Variants in BMERB1 observed in about 807,000 individuals in gnomAD.
BMERB1 encodes the protein bMERB domain-containing protein 1.
A neutral mutation model predicts 23.6 loss-of-function variants in BMERB1; 12 were observed. The observed-to-expected ratio is 0.51, with a 90% CI of 0.33 to 0.82. The LOEUF (loss-of-function observed/expected upper bound fraction) is 0.82, where lower values mean the gene tolerates loss of function less well. Among genes scored for constraint, BMERB1 ranks in the 40% least tolerant of loss-of-function variants. The pLI, the probability that BMERB1 is intolerant of heterozygous loss-of-function variation, is 0.03. For missense variants in BMERB1, 247 were observed against 255.4 expected (o/e 0.97, Z 0.22); for synonymous variants, 122 against 96.6 (o/e 1.26, Z -1.54).
At chr16:15,518,725 T>C (rs2051808484) in intron 2 of BMERB1, among the ~76,000 whole-genome samples, 2 of 151,026 alleles carry the variant, frequency 1.3e-5, no homozygotes, top group Admixed American at 1.3e-4. Flanking sequence ...CTGCATTAGC[T>C]AATAAGTAGC....
rs879429351 is a variant in BMERB1, at chr16:15,556,178, CA to C, written c.231-11791del. 4.6e-3 allele frequency among the ~76,000 whole-genome samples: 607 copies of C among 132,900 alleles called. 3 individuals carry two copies. The highest frequency in any genetic ancestry group is 0.01 in the African/African-American group (373 of 36,238). 87.2% of individuals were successfully genotyped at this position (132,900 alleles called of 152,430 possible). ...GGACGACAAGAGCGAAACTCCATCT[CA>C]AAAAAAAAAAAAATAGCATGTGATA... On this transcript the variant is annotated intron_variant, in intron 2 of 5. Transcript: ENST00000300006.
chr16:15,536,059 A>T (rs1184778091), intron 2 of BMERB1, among the ~76,000 whole-genome samples: 2 of 152,110 alleles, frequency 1.3e-5, no homozygotes, highest in East Asian at 1.9e-4. Context: ...TTTGGTGGGG[A>T]CACAGAGCCA....
chr16:15,565,864 C>T (rs1455251041), intron 2 of BMERB1, among the ~76,000 whole-genome samples: 1 of 152,084 alleles, frequency 6.6e-6, no homozygotes, highest in Non-Finnish European at 1.5e-5. Context: ...AAAACAAGAA[C>T]AACAAAGACA....
chr16:15,480,993 G>C (rs1316998721), intron 1 of BMERB1, among the ~76,000 whole-genome samples: 2 of 152,118 alleles, frequency 1.3e-5, no homozygotes, highest in African/African-American at 4.8e-5. Context: ...TTTCATTAGA[G>C]CATTGTGTCT....
At chr16:15,435,335 G>C (rs1349493740) in intron 1 of BMERB1, among the ~76,000 whole-genome samples, 3 of 152,234 alleles carry the variant, frequency 2.0e-5, no homozygotes, top group East Asian at 1.9e-4. Flanking sequence ...TTTCTCTCTT[G>C]ACTCAGTTAA....
At chr16:15,583,906 C>A in intron 5 of BMERB1, 1 of 671,744 alleles carries the variant, frequency 1.5e-6, no homozygotes, top group South Asian at 1.6e-5. Flanking sequence ...AAACTACGTA[C>A]CTGGTCCTGG....
In BMERB1 at chr16:15,460,549, T is replaced by A. The variant is rs375996251; in HGVS notation, c.106+25790T>A. Among the ~76,000 whole-genome samples the A allele has an allele frequency of 1.6e-4, 24 of 152,312 alleles. 1 individual carries two copies. Among genetic ancestry groups the A allele is most frequent in the South Asian group, 1.5e-3 (7 of 4,824 alleles). On this transcript the variant is annotated intron_variant, in intron 1 of 5. Transcript: ENST00000300006. Reference sequence around the variant, plus strand: ...TGTTGATTTCGTTTTTTAATTTTTTTAATTCATTTGTGTTTGATGTGATGA... The same window carrying A: ...TGTTGATTTCGTTTTTTAATTTTTTAAATTCATTTGTGTTTGATGTGATGA...
At chr16:15,510,910 C>T (rs1454632175) in intron 1 of BMERB1, among the ~76,000 whole-genome samples, 11 of 152,104 alleles carry the variant, frequency 7.2e-5, no homozygotes, top group African/African-American at 2.2e-4. Flanking sequence ...CCGTGTTGGT[C>T]ACACTGGTCT....
chr16:15,581,824 C>A (rs561143841), intron 4 of BMERB1, among the ~76,000 whole-genome samples: 38 of 152,290 alleles, frequency 2.5e-4, no homozygotes, highest in Admixed American at 1.4e-3. Flanking sequence ...ACAACCACAG[C>A]CCTGGAGCTG....
At chr16:15,544,100 G>T (rs958267519) in intron 2 of BMERB1, among the ~76,000 whole-genome samples, 4 of 152,122 alleles carry the variant, frequency 2.6e-5, no homozygotes, top group Admixed American at 1.3e-4. Flanking sequence ...GTAGAAAAAA[G>T]ACGACATTAA....
chr16:15,445,744 A>T (rs2050983278), intron 1 of BMERB1, among the ~76,000 whole-genome samples: 1 of 152,124 alleles, frequency 6.6e-6, no homozygotes, highest in South Asian at 2.1e-4. Context: ...AACATACACC[A>T]ATCATAGGAC....
intron 2 of BMERB1, among the ~76,000 whole-genome samples, chr16:15,526,790 A>C (rs2051910371): frequency 6.6e-6 from 1 of 151,022 alleles, no homozygotes; most frequent in South Asian, 2.1e-4. Flanking sequence ...GGAATGAGAA[A>C]AATATGAGGG....
At chr16:15,458,807 T>TA (rs1026738226) in intron 1 of BMERB1, among the ~76,000 whole-genome samples, 14 of 147,006 alleles carry the variant, frequency 9.5e-5, no homozygotes, top group African/African-American at 1.5e-4. Flanking sequence ...AATAATACAG[T>TA]AAAAAAAACA....
At chr16:15,544,970 C>A (rs116226067) in intron 2 of BMERB1, among the ~76,000 whole-genome samples, 2,138 of 148,452 alleles carry the variant, frequency 0.014, 56 homozygotes, top group African/African-American at 0.051. Context: ...ATTTTCTTTT[C>A]TTTTCTTTTT....
intron 1 of BMERB1, chr16:15,502,514 G>T: frequency 1.3e-6 from 1 of 751,104 alleles, no homozygotes. Flanking sequence ...GCAACGGGCG[G>T]CTTCCCATTA....
intron 1 of BMERB1, among the ~76,000 whole-genome samples, chr16:15,475,099 T>C (rs1333323110): frequency 3.3e-5 from 5 of 152,160 alleles, no homozygotes; most frequent in Non-Finnish European, 7.3e-5. Flanking sequence ...CTAGAAAATA[T>C]GAGGAACAAA....
At chr16:15,459,089 C>G (rs1329841272) in intron 1 of BMERB1, among the ~76,000 whole-genome samples, 2 of 152,080 alleles carry the variant, frequency 1.3e-5, no homozygotes, top group Non-Finnish European at 2.9e-5. Context: ...GCCCAGGTAA[C>G]AGTGTGAGAC....
At position 15,572,484 on chromosome 16, in the gene BMERB1, G is replaced by C. The variant is rs1484144769; in HGVS notation, c.304+4428G>C. ...GGTTTCTTCTGGGGGTGATTAAAAT[G>C]TTCTAAAATGGATTGTGGTGATGGT... On this transcript the variant is annotated intron_variant, in intron 3 of 5. Transcript: ENST00000300006. Among the ~76,000 whole-genome samples the C allele has an allele frequency of 2.0e-5, 3 of 152,178 alleles. No homozygotes were observed. The East Asian group carries it at 5.8e-4, about 29-fold the overall frequency.
chr16:15,567,132 A>C (rs2030591272), intron 2 of BMERB1, among the ~76,000 whole-genome samples: 1 of 151,990 alleles, frequency 6.6e-6, no homozygotes, highest in East Asian at 1.9e-4. Context: ...TCAAGTCTGC[A>C]GTAAGCTATG....
Sources: allele counts gnomAD v4.1 joint callset (sites outside exome capture counted in the v4.1 genomes callset), GRCh38; gene constraint gnomAD v4.1.1; transcripts MANE v1.5; gene names NCBI Gene and HGNC (gene_info 2026-07-23, HGNC 2026-07-21).